Variants in RASSF9 observed in about 807,000 individuals in gnomAD.
RASSF9 encodes ras association domain-containing protein 9.
In RASSF9, 18 loss-of-function variants were observed where a neutral mutation model predicts 21.4. The observed-to-expected ratio is 0.84, with a 90% CI of 0.58 to 1.25. The LOEUF (loss-of-function observed/expected upper bound fraction) is 1.25, where lower values mean the gene tolerates loss of function less well. Ranked by LOEUF, RASSF9 falls within the 50% of genes most tolerant of loss-of-function variation. RASSF9 has a pLI of 0.00. For synonymous variants in RASSF9, 183 were observed against 179.1 expected (o/e 1.02, Z -0.18); for missense variants, 480 against 503.2 (o/e 0.95, Z 0.44).
rs189902792 is a variant in RASSF9, at chr12:85,815,795, G to T, written c.48-9833C>A. Among the ~76,000 whole-genome samples the T allele has an allele frequency of 4.7e-4, 72 of 151,842 alleles. No homozygotes were observed. The South Asian group carries it at 7.9e-3, about 17-fold the overall frequency. On this transcript the variant is annotated intron_variant, in intron 1 of 1. Transcript: ENST00000361228. ...GCCCACTTTTTTATGGGATTGTTTG[G>T]TTTTTTTCTTGTAAATTTGTTTAAG...
At chr12:85,831,219 C>T (rs978066463) in intron 1 of RASSF9, among the ~76,000 whole-genome samples, 1 of 152,036 alleles carries the variant, frequency 6.6e-6, no homozygotes, top group Non-Finnish European at 1.5e-5. Context: ...TTAGAGTTAT[C>T]ATCAGATCTC....
In RASSF9 at chr12:85,831,072, G is replaced by T. The variant is rs142675789; in HGVS notation, c.47+5083C>A. Among the ~76,000 whole-genome samples the T allele has an allele frequency of 2.4e-3, 368 of 152,152 alleles. 4 individuals carry two copies. Among genetic ancestry groups the T allele is most frequent in the African/African-American group, 8.4e-3 (347 of 41,538 alleles). ...AGGTTTCATTTTAGAAAGCTGATAT[G>T]TAAGAGGCAAAGAGATTCCTTGTCA... On this transcript the variant is annotated intron_variant, in intron 1 of 1. Transcript: ENST00000361228.
chr12:85,818,316 G>T (rs1880123888), intron 1 of RASSF9, among the ~76,000 whole-genome samples: 2 of 152,138 alleles, frequency 1.3e-5, no homozygotes, highest in Admixed American at 1.3e-4. Flanking sequence ...ACAAGAGATT[G>T]TTTGTTCAAT....
chr12:85,830,910 A>C (rs1414809849), intron 1 of RASSF9, among the ~76,000 whole-genome samples: 1 of 152,162 alleles, frequency 6.6e-6, no homozygotes, highest in African/African-American at 2.4e-5. Context: ...ATTAGCACTT[A>C]AGAAATCAAT....
chr12:85,835,230 A>G (rs936474259), intron 1 of RASSF9, among the ~76,000 whole-genome samples: 4 of 152,150 alleles, frequency 2.6e-5, no homozygotes, highest in Admixed American at 1.3e-4. Flanking sequence ...ACAAGTACAA[A>G]CAGGCATGAT....
At chr12:85,820,940 T>C (rs747068640) in intron 1 of RASSF9, among the ~76,000 whole-genome samples, 20 of 151,914 alleles carry the variant, frequency 1.3e-4, no homozygotes, top group Non-Finnish European at 2.4e-4. Context: ...GGTCAAGAGA[T>C]CCAGACCATC....
In RASSF9 at chr12:85,804,669, A is replaced by G; in HGVS notation, c.*33T>C. 1 of 1,500,798 alleles carries G rather than the reference A, an allele frequency of 6.7e-7. No individual in the cohort carries two copies. The highest frequency in any genetic ancestry group is 8.9e-7 in the Non-Finnish European group (1 of 1,119,852). 93.0% of individuals were successfully genotyped at this position (1,500,798 alleles called of 1,614,324 possible). On this transcript the variant is annotated 3_prime_UTR_variant, in exon 2 of 2. Coordinates refer to ENST00000361228, the MANE Select transcript of RASSF9 (RefSeq NM_005447.4). ...CCTATTAAATTAAACAAACATTAAA[A>G]CATGAAAGCAGGTCAGAAAGGAGCC...
At chr12:85,809,665 AATAATGATGATGATGATGATG>A (rs146927949) in intron 1 of RASSF9, among the ~76,000 whole-genome samples, 9,382 of 133,758 alleles carry the variant, frequency 0.07, 343 homozygotes, top group Non-Finnish European at 0.085. Flanking sequence ...GTAGAATAGT[AATAATGATGATGATGATGATG>A]ATGATGATGA....
intron 1 of RASSF9, among the ~76,000 whole-genome samples, chr12:85,809,726 C>T (rs1440027324): frequency 6.6e-6 from 1 of 151,386 alleles, no homozygotes; most frequent in Admixed American, 6.6e-5. Context: ...TGTGACAATT[C>T]CCCAATACTC....
intron 1 of RASSF9, among the ~76,000 whole-genome samples, chr12:85,821,068 C>T (rs61930071): frequency 0.071 from 10,714 of 151,870 alleles, 537 homozygotes; most frequent in Middle Eastern, 0.18. Flanking sequence ...TGCTTGAACC[C>T]GGGAGGTAGA....
intron 1 of RASSF9, among the ~76,000 whole-genome samples, chr12:85,810,370 C>T (rs1879927243): frequency 6.6e-6 from 1 of 151,768 alleles, no homozygotes; most frequent in Non-Finnish European, 1.5e-5. Flanking sequence ...GAGAATGGAA[C>T]GTTTTGTTTG....
chr12:85,826,487 GC>G (rs1485299907), intron 1 of RASSF9, among the ~76,000 whole-genome samples: 98 of 137,460 alleles, frequency 7.1e-4, no homozygotes, highest in Non-Finnish European at 1.2e-3. Context: ...TCGCTCTGTC[GC>G]CCAGGCTAGA....
Position 85,836,211 on chromosome 12 carries a change from G to A in RASSF9, c.-10C>T, listed in dbSNP as rs1265876490. The A allele has an allele frequency of 7.0e-7, 1 of 1,426,914 alleles. No homozygotes were observed. 88.4% of individuals were successfully genotyped at this position (1,426,914 alleles called of 1,614,324 possible). A position where few individuals can be genotyped will look rare whatever the true frequency, so the allele number is the denominator to read the frequency against. On this transcript the variant is annotated 5_prime_UTR_variant, in exon 1 of 2. Transcript: ENST00000361228. The stretch of plus-strand genomic sequence containing the variant: ...TTCCAAAGGGAGCCATGGTCTGTCG[G>A]GCAAACGAATAAAGAAATTATCTTA...
In RASSF9 at chr12:85,813,893, A is replaced by T. The variant is rs544835322; in HGVS notation, c.48-7931T>A. Among the ~76,000 whole-genome samples the T allele has an allele frequency of 1.4e-3, 214 of 152,178 alleles. 1 individual carries two copies. The highest frequency in any genetic ancestry group is 4.8e-3 in the African/African-American group (200 of 41,568). ...GAGAACTCTGAATGTATTTTTCCAT[A>T]GAACATATGAAATAACTCTTTATTT... On this transcript the variant is annotated intron_variant, in intron 1 of 1. Transcript: ENST00000361228.
chr12:85,802,250 A>G lies in RASSF9; in HGVS notation c.*2452T>C, dbSNP rs535618993. The G allele has an allele frequency of 2.3e-4, 35 of 152,310 alleles. 1 individual carries two copies. Among genetic ancestry groups the G allele is most frequent in the African/African-American group, 6.7e-4 (28 of 41,576 alleles). 9.4% of individuals were successfully genotyped at this position (152,310 alleles called of 1,614,324 possible). On this transcript the variant is annotated 3_prime_UTR_variant, in exon 2 of 2. Coordinates refer to ENST00000361228, the MANE Select transcript of RASSF9 (RefSeq NM_005447.4). Reference sequence around the variant, plus strand: ...ATCAAGTTCTATACTTATAATTCCAATTCTCACTTAATTTAATAACAAATA... The same window carrying G: ...ATCAAGTTCTATACTTATAATTCCAGTTCTCACTTAATTTAATAACAAATA...
In RASSF9 at chr12:85,804,832, T is replaced by TC. The variant is rs1486500137; in HGVS notation, c.1177dup (p.Glu393GlyfsTer11). On this transcript the variant is annotated frameshift_variant, in exon 2 of 2. Coordinates refer to ENST00000361228, the MANE Select transcript of RASSF9 (RefSeq NM_005447.4). LOFTEE classifies it high-confidence loss of function. ...TACTCTTTGAGTAAAGGGAGGAATCTCCCCATTGCTACTGGGAACCTCAGA... is the reference window on the plus strand; with the variant it reads ...TACTCTTTGAGTAAAGGGAGGAATCTCCCCCATTGCTACTGGGAACCTCAGA... 1 of 1,613,410 alleles carries TC rather than the reference T, an allele frequency of 6.2e-7. No individual in the cohort carries two copies. Among genetic ancestry groups the TC allele is most frequent in the Non-Finnish European group, 8.5e-7 (1 of 1,179,352 alleles).
In RASSF9 at chr12:85,805,525, C is replaced by G. The variant is rs1165588100; in HGVS notation, c.485G>C (p.Arg162Thr). The G allele has an allele frequency of 1.2e-6, 2 of 1,613,770 alleles. No homozygotes were observed. The highest frequency in any genetic ancestry group is 3.3e-5 in the Admixed American group (2 of 59,990). ...LPPDKQKRIV[R>T]KTFRKLAKIK... ...TTTAGCCAGTTTCCGGAAAGTTTTC[C>G]TGACTATTCTTTTTTGTTTATCTGG... is the stretch of plus-strand genomic sequence containing the variant. Residue 162 changes from arginine to threonine, a missense_variant, in exon 2 of 2, where the codon AGG (arginine) becomes ACG (threonine). Physicochemically the swap from Arg to Thr is moderately conservative, Grantham distance 71. Coordinates refer to ENST00000361228, the MANE Select transcript of RASSF9 (RefSeq NM_005447.4).
intron 1 of RASSF9, among the ~76,000 whole-genome samples, chr12:85,832,341 C>T (rs1880469812): frequency 1.3e-5 from 2 of 151,940 alleles, no homozygotes; most frequent in South Asian, 2.1e-4. Flanking sequence ...TTCTCTGTCT[C>T]CAAATCTTAT....
chr12:85,815,394 T>C (rs991873648), intron 1 of RASSF9, among the ~76,000 whole-genome samples: 3 of 152,066 alleles, frequency 2.0e-5, no homozygotes, highest in Non-Finnish European at 4.4e-5. Context: ...AACAAAAATA[T>C]GGTTATTTGT....
Sources: gnomAD v4.1 joint callset for allele counts (sites outside exome capture counted in the v4.1 genomes callset) on GRCh38, gnomAD v4.1.1 for gene constraint, MANE v1.5 for transcripts, NCBI Gene and HGNC (gene_info 2026-07-23, HGNC 2026-07-21) for gene names.